SUPT3H: variants seen among roughly 807,000 people sequenced by gnomAD.
SUPT3H encodes transcription initiation protein SPT3 homolog.
A neutral mutation model predicts 44.3 loss-of-function variants in SUPT3H; 44 were observed. The observed-to-expected ratio is 0.99, with a 90% CI of 0.78 to 1.28. The LOEUF is 1.28. Ranked by LOEUF, SUPT3H falls within the 50% of genes most tolerant of loss-of-function variation. The pLI, the probability that SUPT3H is intolerant of heterozygous loss-of-function variation, is 0.00. For synonymous variants in SUPT3H, 124 were observed against 125.6 expected, an observed-to-expected ratio of 0.99 and a Z score of 0.09; for missense variants, 380 against 387.1, an observed-to-expected ratio of 0.98 and a Z score of 0.15.
At chr6:45,341,824 A>G (rs78680262) in intron 2 of SUPT3H, among the ~76,000 whole-genome samples, 2 of 152,200 alleles carry the variant, frequency 1.3e-5, no homozygotes, top group Admixed American at 6.5e-5. Context: ...ACACACTAAG[A>G]TAATTCATCG....
intron 10 of SUPT3H, among the ~76,000 whole-genome samples, chr6:44,880,218 T>A (rs1777995803): frequency 6.6e-6 from 1 of 151,960 alleles, no homozygotes; most frequent in African/African-American, 2.4e-5. Context: ...ATAACCAGTT[T>A]AGAGAAGAAT....
In SUPT3H at chr6:44,901,460, A is replaced by G. The variant is rs576351944; in HGVS notation, c.912+31193T>C. 8.5e-5 allele frequency among the ~76,000 whole-genome samples: 13 copies of G among 152,288 alleles called. No homozygotes were observed. The East Asian group carries it at 1.3e-3, about 16-fold the overall frequency. ...CAAATGAATGAAATGAAGCGAGAAG[A>G]GAAGTTTAGAGAAAAAAGAATAAAA... On this transcript the variant is annotated intron_variant, in intron 10 of 10. Coordinates refer to ENST00000371459, the MANE Select transcript of SUPT3H (RefSeq NM_003599.4).
rs77984379 is a variant in SUPT3H, at chr6:44,868,630, A to G, written c.913-38773T>C. 6.6e-4 allele frequency among the ~76,000 whole-genome samples: 100 copies of G among 152,234 alleles called. 2 individuals carry two copies. The East Asian group carries it at 0.018, about 28-fold the overall frequency. ...TAAGACTCTGCTGCTGGGAGTCTTG[A>G]AGGTGCCATTTCTGCCTGTGGGGGT... On this transcript the variant is annotated intron_variant, in intron 10 of 10. Coordinates refer to ENST00000371459, the MANE Select transcript of SUPT3H (RefSeq NM_003599.4).
chr6:44,931,830 C>G (rs1770643112), intron 10 of SUPT3H, among the ~76,000 whole-genome samples: 1 of 151,634 alleles, frequency 6.6e-6, no homozygotes, highest in African/African-American at 2.4e-5. Context: ...AAAATCCACT[C>G]AGGTAAAAAT....
intron 2 of SUPT3H, among the ~76,000 whole-genome samples, chr6:45,298,565 G>C (rs1183682846): frequency 6.7e-6 from 1 of 149,248 alleles, no homozygotes; most frequent in Non-Finnish European, 1.5e-5. Flanking sequence ...TCGATCTCCT[G>C]ACCTCGTGAT....
intron 2 of SUPT3H, among the ~76,000 whole-genome samples, chr6:45,114,946 A>G (rs898915522): frequency 1.3e-5 from 2 of 152,206 alleles, no homozygotes; most frequent in African/African-American, 4.8e-5. Flanking sequence ...TACCTCATCC[A>G]GAACTCATTG....
chr6:45,261,456 A>C (rs899738562), intron 2 of SUPT3H, among the ~76,000 whole-genome samples: 4 of 149,518 alleles, frequency 2.7e-5, no homozygotes, highest in African/African-American at 9.8e-5. Context: ...ACACAAAAAG[A>C]ATTAACAAAA....
intron 2 of SUPT3H, among the ~76,000 whole-genome samples, chr6:45,323,558 C>T (rs1785866923): frequency 6.6e-6 from 1 of 152,000 alleles, no homozygotes; most frequent in Non-Finnish European, 1.5e-5. Context: ...TCAAGTCCCA[C>T]CCCCAACTTG....
chr6:44,902,250 T>A (rs1312494747), intron 10 of SUPT3H, among the ~76,000 whole-genome samples: 2 of 152,190 alleles, frequency 1.3e-5, no homozygotes, highest in East Asian at 1.9e-4. Context: ...AGAGTCATGA[T>A]CCATCAGTGT....
chr6:44,870,589 A>ATCTC (rs1776222239), intron 10 of SUPT3H, among the ~76,000 whole-genome samples: 1 of 142,318 alleles, frequency 7.0e-6, no homozygotes, highest in African/African-American at 2.6e-5. Flanking sequence ...ACAGAGTGAG[A>ATCTC]CTCTGTCTCA....
At chr6:45,172,591 ATAT>A (rs1158313587) in intron 2 of SUPT3H, among the ~76,000 whole-genome samples, 324 of 22,252 alleles carry the variant, frequency 0.015, no homozygotes, top group African/African-American at 0.046. Context: ...AAAGATAGAT[ATAT>A]TTTTTTTTTT....
chr6:45,331,251 T>C (rs1055811839), intron 2 of SUPT3H, among the ~76,000 whole-genome samples: 2 of 152,030 alleles, frequency 1.3e-5, no homozygotes, highest in Non-Finnish European at 2.9e-5. Context: ...TCATTTATCA[T>C]AAATATAGCT....
intron 2 of SUPT3H, among the ~76,000 whole-genome samples, chr6:45,343,906 T>G (rs557885662): frequency 2.0e-5 from 3 of 152,202 alleles, no homozygotes; most frequent in African/African-American, 7.2e-5. Context: ...GACCTCCACC[T>G]GACAGGTCTA....
chr6:44,877,434 A>ACT (rs1205037231), intron 10 of SUPT3H, among the ~76,000 whole-genome samples: 26 of 145,686 alleles, frequency 1.8e-4, no homozygotes, highest in Non-Finnish European at 1.6e-4. Context: ...GTGCCACTGC[A>ACT]CTCCAGCCTT....
chr6:45,006,155 T>C (rs1414752810), intron 5 of SUPT3H, among the ~76,000 whole-genome samples: 2 of 152,246 alleles, frequency 1.3e-5, no homozygotes, highest in African/African-American at 4.8e-5. Flanking sequence ...TCCGCTTTCT[T>C]TGCATTTGTG....
chr6:44,988,463 T>C (rs1780124748), intron 6 of SUPT3H, among the ~76,000 whole-genome samples: 1 of 139,136 alleles, frequency 7.2e-6, no homozygotes, highest in African/African-American at 2.7e-5. Flanking sequence ...TATAAGTAAA[T>C]TAGGCCAAAG....
At chr6:44,902,477 G>A (rs930302423) in intron 10 of SUPT3H, among the ~76,000 whole-genome samples, 2 of 152,114 alleles carry the variant, frequency 1.3e-5, no homozygotes, top group African/African-American at 2.4e-5. Context: ...AACAAGAAGA[G>A]CTAACTATCC....
chr6:45,276,323 C>T (rs2153664087), intron 2 of SUPT3H, among the ~76,000 whole-genome samples: 1 of 152,064 alleles, frequency 6.6e-6, no homozygotes, highest in Non-Finnish European at 1.5e-5. Flanking sequence ...CACAGCTTTT[C>T]AAAATTATAA....
At chr6:44,965,651 A>G (rs1776675679) in intron 6 of SUPT3H, among the ~76,000 whole-genome samples, 1 of 152,086 alleles carries the variant, frequency 6.6e-6, no homozygotes, top group Admixed American at 6.5e-5. Flanking sequence ...TATGCTTATC[A>G]CCTAATTTTT....
Sources: gnomAD v4.1 joint callset for allele counts (sites outside exome capture counted in the v4.1 genomes callset) on GRCh38, gnomAD v4.1.1 for gene constraint, MANE v1.5 for transcripts, NCBI Gene and HGNC (gene_info 2026-07-23, HGNC 2026-07-21) for gene names.